The following PLD4 variants were observed in gnomAD, a reference collection of about 807,000 sequenced individuals.
The protein encoded by PLD4 is 5'-3' exonuclease PLD4.
Under a neutral mutation model 52.3 loss-of-function variants are expected in PLD4, and 54 were observed. That is an observed-to-expected ratio of 1.03 (90% CI 0.83 to 1.30). The LOEUF (loss-of-function observed/expected upper bound fraction) is 1.30, where lower values mean the gene tolerates loss of function less well. Among genes scored for constraint, PLD4 ranks in the 50% most tolerant of loss-of-function variants. The probability of loss-of-function intolerance (pLI) is 0.00; values close to 1 mark genes in which losing one functional copy is unlikely to be tolerated. For synonymous variants in PLD4, 264 were observed against 286.5 expected (o/e 0.92, Z 0.79); for missense variants, 731 against 671.1 (o/e 1.09, Z -0.99).
At chr14:104,928,161 G>A (rs1897520727) in intron 3 of PLD4, among the ~76,000 whole-genome samples, 1 of 152,066 alleles carries the variant, frequency 6.6e-6, no homozygotes, top group South Asian at 2.1e-4. Context: ...TGGGGGTAAT[G>A]TCACTGTCCC....
At chr14:104,929,248 G>T in intron 4 of PLD4, 59 bp from the exon 5 acceptor site, 1 of 1,567,682 alleles carries the variant, frequency 6.4e-7, no homozygotes, top group Non-Finnish European at 8.6e-7. Context: ...GGGTCCTAGT[G>T]GGGATGCGGA....
At chr14:104,926,213 G>C (rs1341343935) in intron 1 of PLD4, among the ~76,000 whole-genome samples, 1 of 152,176 alleles carries the variant, frequency 6.6e-6, no homozygotes, top group African/African-American at 2.4e-5. Flanking sequence ...TCCCAGCCAG[G>C]GGCCAGCCAG....
intron 5 of PLD4, among the ~76,000 whole-genome samples, 185 bp downstream of exon 5, chr14:104,929,612 C>T (rs568571650): frequency 5.3e-5 from 8 of 152,206 alleles, no homozygotes; most frequent in African/African-American, 1.7e-4. Context: ...GGGCACAGGG[C>T]TGGTTCCACG....
intron 1 of PLD4, among the ~76,000 whole-genome samples, chr14:104,925,485 G>C (rs150825172): frequency 2.0e-5 from 3 of 152,010 alleles, no homozygotes; most frequent in Non-Finnish European, 4.4e-5. Flanking sequence ...AAGAGGCAGC[G>C]CCTCTGTGCT....
At chr14:104,926,829 A>ACGCC (rs1182610736) in intron 1 of PLD4, among the ~76,000 whole-genome samples, 1 of 152,222 alleles carries the variant, frequency 6.6e-6, no homozygotes, top group Non-Finnish European at 1.5e-5. Context: ...CTAGGCACAG[A>ACGCC]CGCCCGCCCG....
chr14:104,929,242 C>T, intron 4 of PLD4, 65 bp from the exon 5 acceptor site: 1 of 1,562,188 alleles, frequency 6.4e-7, no homozygotes. Flanking sequence ...GGACATGGGT[C>T]CTAGTGGGGA....
chr14:104,927,921 T>A, intron 3 of PLD4, 55 bp downstream of exon 3: 2 of 1,461,510 alleles, frequency 1.4e-6, no homozygotes, highest in South Asian at 2.7e-5. Flanking sequence ...GGCTGCTGCC[T>A]GTGTTTCTGC....
intron 5 of PLD4, 120 bp from the exon 6 acceptor site, chr14:104,929,858 A>G (rs1897581417): frequency 1.7e-6 from 2 of 1,175,224 alleles, no homozygotes; most frequent in Admixed American, 4.3e-5. Flanking sequence ...GCAGCAGCTT[A>G]GTAGGACTGT....
intron 7 of PLD4, 135 bp downstream of exon 7, chr14:104,931,077 G>A: frequency 1.0e-6 from 1 of 979,644 alleles, no homozygotes; most frequent in South Asian, 1.6e-5. Flanking sequence ...AGCACCATGG[G>A]TGGGGCTGTG....
At chr14:104,936,778 A>T (rs1369912921), downstream of PLD4, 1 of 152,238 alleles carries the variant, frequency 6.6e-6, no homozygotes, top group African/African-American at 2.4e-5. Flanking sequence ...CTGCATACCC[A>T]TGAATCTGGC....
Position 104,932,613 on chromosome 14 carries a change from C to G in PLD4, c.1322-152C>G. 1 of 885,594 alleles carries G rather than the reference C, an allele frequency of 1.1e-6. No homozygotes were observed. Among genetic ancestry groups the G allele is most frequent in the East Asian group, 2.7e-5 (1 of 37,230 alleles). The allele number at this position is 885,594 out of a possible 1,614,324, so 54.9% of individuals were successfully genotyped here. On this transcript the variant is annotated intron_variant, in intron 10 of 10. Transcript: ENST00000392593. This position sits in a 1 kb window ranked among gnomAD's most constrained non-coding sequence, Gnocchi z 6.5. ...CCGCGACCAGCTGTCCCTCCCGCACCTAAGCGAGGGGCTTCCCCGGCTGGA... is the reference window on the plus strand; with the variant it reads ...CCGCGACCAGCTGTCCCTCCCGCACGTAAGCGAGGGGCTTCCCCGGCTGGA...
chr14:104,929,861 A>C, intron 5 of PLD4, 117 bp from the exon 6 acceptor site: 1 of 1,204,520 alleles, frequency 8.3e-7, no homozygotes, highest in Non-Finnish European at 1.2e-6. Context: ...GCAGCTTAGT[A>C]GGACTGTTGT....
intron 1 of PLD4, among the ~76,000 whole-genome samples, chr14:104,925,690 G>A (rs887389691): frequency 1.3e-5 from 2 of 152,088 alleles, no homozygotes; most frequent in South Asian, 2.1e-4. Flanking sequence ...GTTAGTGGGG[G>A]AGAGCAAAGG....
Position 104,925,938 on chromosome 14 carries a change from T to C in PLD4, c.-1+948T>C, listed in dbSNP as rs536490571. Among the ~76,000 whole-genome samples, 16 of 152,158 alleles carry C rather than the reference T, an allele frequency of 1.1e-4. No individual in the cohort carries two copies. The South Asian group carries it at 2.3e-3, about 22-fold the overall frequency. On this transcript the variant is annotated intron_variant, in intron 1 of 10. Coordinates refer to ENST00000392593, the MANE Select transcript of PLD4 (RefSeq NM_138790.5). ...CCCCAATCCCCCATAACGCTTGGTC[T>C]CCAGGGCAGACTCAGTCCAGGCCCG... is the stretch of plus-strand genomic sequence containing the variant.
chr14:104,931,606 AC>A, intron 7 of PLD4, 141 bp from the exon 8 acceptor site: 7 of 1,188,388 alleles, frequency 5.9e-6, no homozygotes, highest in Non-Finnish European at 8.0e-6. Context: ...TGTTGAGCCG[AC>A]CCCTTCTTTC....
chr14:104,936,364 C>T (rs1897809832), downstream of PLD4: 1 of 152,280 alleles, frequency 6.6e-6, no homozygotes, highest in Non-Finnish European at 1.5e-5. Flanking sequence ...TCCCTTCCCA[C>T]TTCCCCTGCT....
chr14:104,932,261 A>G lies in PLD4; in HGVS notation c.1227A>G (p.Lys409=), dbSNP rs754891880. Reference sequence around the variant, plus strand: ...CGCGCTGCCTCTGCTCCCCTAAGAAAGTCTTCATCGTGCCGGTGGGGAACC... The same window carrying G: ...CGCGCTGCCTCTGCTCCCCTAAGAAGGTCTTCATCGTGCCGGTGGGGAACC... ...NPAANVSVDV[K]VFIVPVGNHS... is the part of the protein sequence containing the mutation. Residue 409 remains lysine (K), a splice_region_variant and synonymous_variant, in exon 10 of 11, where the codon AAA becomes AAG. Transcript: ENST00000392593. This position sits in a 1 kb window ranked among gnomAD's most constrained non-coding sequence, Gnocchi z 6.5. The G allele has an allele frequency of 6.2e-7, 1 of 1,612,632 alleles. No homozygotes were observed. The highest frequency in any genetic ancestry group is 8.5e-7 in the Non-Finnish European group (1 of 1,179,802).
intron 3 of PLD4, 122 bp from the exon 4 acceptor site, chr14:104,928,627 G>A: frequency 3.9e-6 from 4 of 1,028,068 alleles, no homozygotes; most frequent in African/African-American, 1.6e-5. Flanking sequence ...CTTGGCCTGG[G>A]CTCATCCCGG....
downstream of PLD4, chr14:104,934,636 G>A (rs946208408): frequency 8.5e-5 from 13 of 152,294 alleles, no homozygotes; most frequent in African/African-American, 2.9e-4. Flanking sequence ...TCCCGGTCTT[G>A]AGGCACCACT....
Sources: gnomAD v4.1 joint callset for allele counts (sites outside exome capture counted in the v4.1 genomes callset) on GRCh38, gnomAD v4.1.1 for gene constraint, Gnocchi (gnomAD v3.1) non-coding constraint, MANE v1.5 for transcripts, NCBI Gene and HGNC (gene_info 2026-07-23, HGNC 2026-07-21) for gene names.